MMS22L: variants seen among roughly 807,000 people sequenced by gnomAD.
MMS22L encodes the protein MMS22 like, DNA repair protein.
MMS22L carries 74 observed loss-of-function variants against 159.1 expected under a neutral mutation model. That is an observed-to-expected ratio of 0.47 (90% confidence interval 0.39 to 0.56). The LOEUF is 0.56. MMS22L is among the 20% of genes least tolerant of loss of function. MMS22L has a pLI of 0.00. For missense variants in MMS22L, 1,351 were observed against 1,422.1 expected, an observed-to-expected ratio of 0.95 and a Z score of 0.80; for synonymous variants, 517 against 506.9, an observed-to-expected ratio of 1.02 and a Z score of -0.27.
chr6:97,181,260 G>C (rs1037402753), intron 16 of MMS22L, among the ~76,000 whole-genome samples: 2 of 152,112 alleles, frequency 1.3e-5, no homozygotes, highest in African/African-American at 4.8e-5. Context: ...TCTTAGGCTT[G>C]TATATTTATT....
intron 10 of MMS22L, among the ~76,000 whole-genome samples, chr6:97,250,552 C>T (rs985647721): frequency 3.3e-5 from 5 of 152,152 alleles, no homozygotes. Flanking sequence ...GAGTAACCCA[C>T]TCTCATCTTG....
chr6:97,268,344 C>T (rs1475329390), intron 7 of MMS22L, among the ~76,000 whole-genome samples: 1 of 152,064 alleles, frequency 6.6e-6, no homozygotes, highest in Non-Finnish European at 1.5e-5. Context: ...GCCACCTCAC[C>T]TGGCTAATTC....
intron 14 of MMS22L, among the ~76,000 whole-genome samples, chr6:97,228,692 G>A (rs1368456590): frequency 6.6e-6 from 1 of 152,040 alleles, no homozygotes; most frequent in African/African-American, 2.4e-5. Flanking sequence ...CTAGTCCCAA[G>A]CTTTTCATAT....
chr6:97,205,962 A>G (rs1036560768), intron 14 of MMS22L, among the ~76,000 whole-genome samples: 1 of 152,214 alleles, frequency 6.6e-6, no homozygotes, highest in African/African-American at 2.4e-5. Flanking sequence ...AAACTGTGTA[A>G]TTATACTTTA....
In MMS22L at chr6:97,145,059, C is replaced by CAAA. The variant is rs1393074953; in HGVS notation, c.*1746_*1747insTTT. 1 of 146,374 alleles carries CAAA rather than the reference C, an allele frequency of 6.8e-6. No homozygotes were observed. Among genetic ancestry groups the CAAA allele is most frequent in the African/African-American group, 2.6e-5 (1 of 37,818 alleles). The allele number at this position is 146,374 out of a possible 1,614,324, so 9.1% of individuals were successfully genotyped here. A position where few individuals can be genotyped will look rare whatever the true frequency, so the allele number is the denominator to read the frequency against. On this transcript the variant is annotated 3_prime_UTR_variant, in exon 25 of 25. Transcript: ENST00000683635. ...ACACACACACACACACACACACACA[C>CAAA]ACACACAAAAACACATATACACATA...
rs1169855281 is a variant in MMS22L, at chr6:97,144,127, AAG to A, written c.*2677_*2678del. ...CAACAAAAAAAAAAAAAAAAAAAAA[AAG>A]AGAGAGAAAAGCTGGAGTTATCAGT... is the stretch of plus-strand genomic sequence containing the variant. On this transcript the variant is annotated 3_prime_UTR_variant, in exon 25 of 25. Coordinates refer to ENST00000683635, the MANE Select transcript of MMS22L (RefSeq NM_001350599.2). 5,816 of 82,436 alleles carry A rather than the reference AAG, an allele frequency of 0.071. 217 individuals are homozygous for A. Among genetic ancestry groups the A allele is most frequent in the Middle Eastern group, 0.11 (17 of 160 alleles). 5.1% of individuals were successfully genotyped at this position (82,436 alleles called of 1,614,324 possible).
At chr6:97,280,383 G>C (rs143173580) in intron 3 of MMS22L, among the ~76,000 whole-genome samples, 1 of 152,022 alleles carries the variant, frequency 6.6e-6, no homozygotes. Flanking sequence ...ACCCAGGCTG[G>C]AGTACAGTGG....
intron 14 of MMS22L, among the ~76,000 whole-genome samples, chr6:97,205,864 C>G (rs1005088791): frequency 6.6e-6 from 1 of 152,142 alleles, no homozygotes; most frequent in Non-Finnish European, 1.5e-5. Flanking sequence ...CACCTAATAA[C>G]AGCAAAAGTG....
Position 97,165,470 on chromosome 6 carries a change from AAAGT to A in MMS22L, c.3010-17_3010-14del. 1.2e-6 allele frequency: 2 copies of A among 1,606,084 alleles called. No individual in the cohort carries two copies. The highest frequency in any genetic ancestry group is 1.1e-5 in the South Asian group (1 of 90,510). On this transcript the variant is annotated splice_polypyrimidine_tract_variant and intron_variant, in intron 20 of 24. Transcript: ENST00000683635. The stretch of plus-strand genomic sequence containing the variant: ...CGATACACATGCCCTACAAGGAAAA[AAAGT>A]AAGAAATACTAAGAGGTAAAGTTTC...
chr6:97,233,524 T>C (rs1811083348), intron 12 of MMS22L, among the ~76,000 whole-genome samples: 1 of 152,186 alleles, frequency 6.6e-6, no homozygotes, highest in Non-Finnish European at 1.5e-5. Flanking sequence ...CAGGATTGTT[T>C]CTTACTCAGG....
At chr6:97,178,384 G>C (rs1401212954) in intron 18 of MMS22L, 59 bp downstream of exon 18, 1 of 1,301,816 alleles carries the variant, frequency 7.7e-7, no homozygotes, top group East Asian at 2.4e-5. Context: ...AATACTTCAG[G>C]TTTTTCTGAA....
At chr6:97,215,753 A>T (rs1808941719) in intron 14 of MMS22L, among the ~76,000 whole-genome samples, 1 of 146,708 alleles carries the variant, frequency 6.8e-6, no homozygotes, top group Non-Finnish European at 1.5e-5. Context: ...TTTTCAAGAT[A>T]AAAAAAAAAG....
chr6:97,257,005 CTCTTTG>C (rs1276437778), intron 9 of MMS22L, among the ~76,000 whole-genome samples: 1 of 152,204 alleles, frequency 6.6e-6, no homozygotes, highest in African/African-American at 2.4e-5. Context: ...TAAATTTCTT[CTCTTTG>C]TCTTTGGTCT....
intron 19 of MMS22L, among the ~76,000 whole-genome samples, chr6:97,169,350 T>A (rs1344190560): frequency 6.6e-6 from 1 of 152,122 alleles, no homozygotes; most frequent in Admixed American, 6.6e-5. Flanking sequence ...GAGGTCTCCT[T>A]ACTGAAAAAT....
intron 21 of MMS22L, among the ~76,000 whole-genome samples, chr6:97,162,439 C>G (rs1207195251): frequency 1.3e-5 from 2 of 151,830 alleles, no homozygotes; most frequent in Admixed American, 6.6e-5. Context: ...AACTCAAAAT[C>G]CAAATGAAAG....
rs756933626 is a variant in MMS22L at position 97,173,114 on chromosome 6, A to G, written c.2788T>C (p.Leu930=). 23 of 1,613,278 alleles carry G rather than the reference A, an allele frequency of 1.4e-5. No individual in the cohort carries two copies. The highest frequency in any genetic ancestry group is 4.4e-5 in the South Asian group (4 of 90,946). The change falls in exon 19 of 25, where the codon TTG becomes CTG. Residue 930 remains leucine, a synonymous_variant. Transcript: ENST00000683635. The stretch of plus-strand genomic sequence containing the variant: ...CCTGCACTGAAAACTTTTTTTCCCA[A>G]ATAAGGCTTAATATATTTTAATACT... The part of the protein sequence containing the change: ...GEVLKYIKPY[L]GKKVFSAGLQ...
chr6:97,207,884 A>G (rs1807952991), intron 14 of MMS22L, among the ~76,000 whole-genome samples: 1 of 152,196 alleles, frequency 6.6e-6, no homozygotes, highest in Non-Finnish European at 1.5e-5. Flanking sequence ...AACTGAAGAA[A>G]AAATGAGATG....
intron 11 of MMS22L, among the ~76,000 whole-genome samples, chr6:97,236,028 T>C (rs1811359108): frequency 6.6e-6 from 1 of 152,110 alleles, no homozygotes; most frequent in Non-Finnish European, 1.5e-5. Context: ...TTAAATTTTA[T>C]GTCAAAGAGA....
intron 18 of MMS22L, among the ~76,000 whole-genome samples, chr6:97,173,767 A>T (rs1024459057): frequency 2.6e-5 from 4 of 152,190 alleles, no homozygotes; most frequent in African/African-American, 9.6e-5. Flanking sequence ...GGATGGGCAG[A>T]GAAGGTAGAG....
Sources: allele counts gnomAD v4.1 joint callset (sites outside exome capture counted in the v4.1 genomes callset), GRCh38; gene constraint gnomAD v4.1.1; transcripts MANE v1.5; gene names NCBI Gene and HGNC (gene_info 2026-07-23, HGNC 2026-07-21).